Variants in GPR174 observed in about 807,000 individuals in gnomAD.
GPR174 encodes G protein-coupled receptor 174.
In GPR174, 8 loss-of-function variants were observed where a neutral mutation model predicts 16.5. The ratio of observed to expected loss-of-function variants is 0.48; its 90% CI spans 0.28 to 0.87. The LOEUF is 0.87. Among genes scored for constraint, GPR174 ranks in the 40% least tolerant of loss-of-function variants. GPR174 has a pLI of 0.09. For synonymous variants in GPR174, 111 were observed against 94.8 expected (o/e 1.17, Z -0.99); for missense variants, 214 against 247.5 (o/e 0.86, Z 0.91).
intron 1 of GPR174, among the ~76,000 whole-genome samples, chrX:79,145,506 A>T (rs764441715): frequency 8.9e-6 from 1 of 111,935 alleles, no homozygotes; most frequent in Non-Finnish European, 1.9e-5. Flanking sequence ...ATATTGAGTA[A>T]AATAGTCCTG....
chrX:79,157,552 G>A (rs1388679240), intron 2 of GPR174, among the ~76,000 whole-genome samples: 1 of 111,640 alleles, frequency 9.0e-6, no homozygotes, highest in Non-Finnish European at 1.9e-5. Context: ...AGCACCCACC[G>A]GCCACTCTAC....
At chrX:79,162,713 G>A (rs1921265540) in intron 2 of GPR174, among the ~76,000 whole-genome samples, 1 of 111,649 alleles carries the variant, frequency 9.0e-6, no homozygotes, top group Non-Finnish European at 1.9e-5. Context: ...AAATTAATAG[G>A]ACAGTGTCCC....
chrX:79,146,258 G>T (rs1004559575), intron 1 of GPR174, among the ~76,000 whole-genome samples: 37 of 111,933 alleles, frequency 3.3e-4, no homozygotes, highest in African/African-American at 1.2e-3. Flanking sequence ...TAACTTTGCT[G>T]CTCCTTTGTC....
chrX:79,161,802 G>C (rs1435622627), intron 2 of GPR174, among the ~76,000 whole-genome samples: 1 of 111,941 alleles, frequency 8.9e-6, no homozygotes, highest in East Asian at 2.8e-4. Flanking sequence ...GCAGGGACTT[G>C]TCATTTCCTG....
rs749599087 is a variant in GPR174, at chrX:79,171,567, C to T, written c.560C>T (p.Thr187Ile). 8.3e-7 allele frequency: 1 copy of T among 1,210,980 alleles called. No individual in the cohort carries two copies. Among genetic ancestry groups the T allele is most frequent in the Non-Finnish European group, 1.1e-6 (1 of 895,246 alleles). ...VNLAQSVVMM[T>I]IGELIGFVTP... The stretch of plus-strand genomic sequence containing the variant: ...CTGGCCCAGTCCGTTGTTATGATGA[C>T]CATTGGCGAGTTGATTGGGTTTGTA... The change falls in exon 3 of 3, where the codon ACC becomes ATC. Residue 187 changes from threonine (T) to isoleucine (I), a missense_variant. Coordinates refer to ENST00000645147, the MANE Select transcript of GPR174 (RefSeq NM_032553.3).
intron 2 of GPR174, among the ~76,000 whole-genome samples, chrX:79,169,980 A>G (rs776824093): frequency 8.9e-6 from 1 of 112,110 alleles, no homozygotes; most frequent in African/African-American, 3.2e-5. Flanking sequence ...CAAATTGCAT[A>G]CTGTACCCCA....
chrX:79,149,847 A>T (rs1438890147), intron 1 of GPR174, among the ~76,000 whole-genome samples: 3 of 97,605 alleles, frequency 3.1e-5, no homozygotes, highest in African/African-American at 1.1e-4. Context: ...TTTGCCATGA[A>T]ATTTGGTTAA....
chrX:79,151,415 T>A (rs1325069371), intron 1 of GPR174, among the ~76,000 whole-genome samples: 1 of 111,430 alleles, frequency 9.0e-6, no homozygotes, highest in Non-Finnish European at 1.9e-5. Context: ...TATAACTTGG[T>A]GAGTTTGGAG....
At chrX:79,151,733 C>T (rs1393957815) in intron 1 of GPR174, among the ~76,000 whole-genome samples, 1 of 111,569 alleles carries the variant, frequency 9.0e-6, no homozygotes. Context: ...TTGTAAAAAG[C>T]AAAAATTAAA....
intron 2 of GPR174, among the ~76,000 whole-genome samples, chrX:79,166,432 C>CTTTTTTTTTTTTTTTT (rs1174620976): frequency 9.2e-5 from 4 of 43,624 alleles, no homozygotes; most frequent in Non-Finnish European, 1.1e-4. Context: ...TTTCTTTTTT[C>CTTTTTTTTTTTTTTTT]TTTTTTTTTT....
intron 1 of GPR174, among the ~76,000 whole-genome samples, chrX:79,146,961 G>A (rs1225443341): frequency 2.7e-5 from 3 of 111,283 alleles, no homozygotes; most frequent in Non-Finnish European, 5.7e-5. Flanking sequence ...GGCACAGACG[G>A]TGCCTCTTCC....
At position 79,172,261 on chromosome X, in the gene GPR174, C is replaced by T. The variant is rs1027590843; in HGVS notation, c.*252C>T. ...ATCTTAAAATATCAAATTTCTGTGACATCCTATAAACATATGCACTCAACT... is the reference window on the plus strand; with the variant it reads ...ATCTTAAAATATCAAATTTCTGTGATATCCTATAAACATATGCACTCAACT... On this transcript the variant is annotated 3_prime_UTR_variant, in exon 3 of 3. Transcript: ENST00000645147. The T allele has an allele frequency of 8.5e-6, 3 of 354,239 alleles. No individual in the cohort carries two copies. The highest frequency in any genetic ancestry group is 7.8e-5 in the South Asian group (1 of 12,875). The allele number at this position is 354,239 out of a possible 1,213,427, so 29.2% of individuals were successfully genotyped here. A position where few individuals can be genotyped will look rare whatever the true frequency, so the allele number is the denominator to read the frequency against.
intron 1 of GPR174, among the ~76,000 whole-genome samples, chrX:79,146,827 G>A (rs1281443603): frequency 9.0e-6 from 1 of 111,599 alleles, no homozygotes; most frequent in Non-Finnish European, 1.9e-5. Flanking sequence ...CTGAAAGGAA[G>A]AGGACAAAGA....
At chrX:79,162,262 T>C (rs1921252507) in intron 2 of GPR174, among the ~76,000 whole-genome samples, 1 of 111,635 alleles carries the variant, frequency 9.0e-6, no homozygotes, top group Non-Finnish European at 1.9e-5. Flanking sequence ...GAAATCCTAA[T>C]CAGTTCAATG....
In GPR174 at chrX:79,170,532, T is replaced by G. The variant is rs934095404; in HGVS notation, c.-476T>G. Reference sequence around the variant, plus strand: ...AAAGCTGATCTTTCCAAGTTAATCATCCCTGAAGAGTGGCGGACTCATTGT... The same window carrying G: ...AAAGCTGATCTTTCCAAGTTAATCAGCCCTGAAGAGTGGCGGACTCATTGT... On this transcript the variant is annotated 5_prime_UTR_variant, in exon 3 of 3. Coordinates refer to ENST00000645147, the MANE Select transcript of GPR174 (RefSeq NM_032553.3). 5 of 113,517 alleles carry G rather than the reference T, an allele frequency of 4.4e-5. No homozygotes were observed. Among genetic ancestry groups the G allele is most frequent in the Non-Finnish European group, 7.3e-5 (4 of 54,634 alleles). The allele number at this position is 113,517 out of a possible 1,213,427, so 9.4% of individuals were successfully genotyped here. A position where few individuals can be genotyped will look rare whatever the true frequency, so the allele number is the denominator to read the frequency against.
rs571507405 is a variant in GPR174, at chrX:79,173,568, G to A, written c.*1559G>A. On this transcript the variant is annotated 3_prime_UTR_variant, in exon 3 of 3. Transcript: ENST00000645147. The stretch of plus-strand genomic sequence containing the variant: ...TATTTAGAGGAAAGGGGTTGTTTTA[G>A]GCATACAGTTATGATACTAATACAT... 2.7e-5 allele frequency: 3 copies of A among 111,994 alleles called. No homozygotes were observed. In the South Asian group the frequency reaches 1.1e-3, roughly 41 times the overall value. 9.2% of individuals were successfully genotyped at this position (111,994 alleles called of 1,213,427 possible).
intron 2 of GPR174, among the ~76,000 whole-genome samples, chrX:79,168,472 G>A (rs1021228534): frequency 9.0e-6 from 1 of 110,898 alleles, no homozygotes; most frequent in African/African-American, 3.3e-5. Flanking sequence ...GCTGAGACAG[G>A]AGCATCTTTT....
At chrX:79,157,106 C>A (rs767583064) in intron 2 of GPR174, among the ~76,000 whole-genome samples, 188 bp downstream of exon 2, 1 of 111,617 alleles carries the variant, frequency 9.0e-6, no homozygotes, top group Non-Finnish European at 1.9e-5. Flanking sequence ...TTACAGAACA[C>A]GAAAAGCTGT....
Position 79,174,640 on chromosome X carries a change from C to T in GPR174, c.*2631C>T, listed in dbSNP as rs1921597332. On this transcript the variant is annotated 3_prime_UTR_variant, in exon 3 of 3. Transcript: ENST00000645147. ...ACTTTTAAGAAATTAAGAAATGTATCCATGAACATGGCTATCAGTTTCTCA... is the reference window on the plus strand; with the variant it reads ...ACTTTTAAGAAATTAAGAAATGTATTCATGAACATGGCTATCAGTTTCTCA... 9.0e-6 allele frequency: 1 copy of T among 111,013 alleles called. No individual in the cohort carries two copies. The highest frequency in any genetic ancestry group is 3.3e-5 in the African/African-American group (1 of 30,462). 9.1% of individuals were successfully genotyped at this position (111,013 alleles called of 1,213,427 possible). A position where few individuals can be genotyped will look rare whatever the true frequency, so the allele number is the denominator to read the frequency against.
Sources: gnomAD v4.1 joint callset for allele counts (sites outside exome capture counted in the v4.1 genomes callset) on GRCh38, gnomAD v4.1.1 for gene constraint, MANE v1.5 for transcripts, NCBI Gene and HGNC (gene_info 2026-07-23, HGNC 2026-07-21) for gene names.